PTPRT: variants seen among roughly 807,000 people sequenced by gnomAD.
PTPRT encodes the protein protein tyrosine phosphatase receptor type T.
Under a neutral mutation model 176.8 loss-of-function variants are expected in PTPRT, and 56 were observed. The ratio of observed to expected loss-of-function variants is 0.32; its 90% confidence interval spans 0.26 to 0.40. The LOEUF (loss-of-function observed/expected upper bound fraction) is 0.40, where lower values mean the gene tolerates loss of function less well. PTPRT is among the 10% of genes least tolerant of loss of function. PTPRT has a pLI of 1.00. For missense variants in PTPRT, 1,540 were observed against 1,908.2 expected (o/e 0.81, Z 3.60); for synonymous variants, 783 against 739.0 (o/e 1.06, Z -0.96).
chr20:42,195,623 A>G (rs1991184789), intron 16 of PTPRT, among the ~76,000 whole-genome samples: 1 of 152,238 alleles, frequency 6.6e-6, no homozygotes, highest in Admixed American at 6.5e-5. Flanking sequence ...TAACGTATTC[A>G]GTGATTCAGA....
intron 9 of PTPRT, among the ~76,000 whole-genome samples, chr20:42,430,325 G>A (rs999594822): frequency 4.6e-5 from 7 of 152,226 alleles, no homozygotes; most frequent in Non-Finnish European, 8.8e-5. Flanking sequence ...TGCTTGGCCT[G>A]CAGACAACTC....
At chr20:42,203,261 C>G (rs1991523038) in intron 15 of PTPRT, among the ~76,000 whole-genome samples, 1 of 152,194 alleles carries the variant, frequency 6.6e-6, no homozygotes, top group South Asian at 2.1e-4. Flanking sequence ...AAAGACCTCT[C>G]AGTAACACAG....
chr20:42,972,488 C>T (rs1383924032), intron 1 of PTPRT, among the ~76,000 whole-genome samples: 3 of 151,016 alleles, frequency 2.0e-5, no homozygotes, highest in Admixed American at 2.0e-4. Context: ...ATGATGAAAC[C>T]CCGTCTCTAC....
chr20:42,703,454 G>T (rs2076003970), intron 6 of PTPRT, among the ~76,000 whole-genome samples: 1 of 152,172 alleles, frequency 6.6e-6, no homozygotes, highest in South Asian at 2.1e-4. Context: ...TTGTTACCAG[G>T]AGTGGGGTGA....
chr20:42,118,520 T>C lies in PTPRT; in HGVS notation c.2885-20A>G. The C allele has an allele frequency of 1.3e-6, 2 of 1,591,658 alleles. No homozygotes were observed. Among genetic ancestry groups the C allele is most frequent in the African/African-American group, 1.3e-5 (1 of 74,280 alleles). On this transcript the variant is annotated intron_variant, in intron 20 of 30. Coordinates refer to ENST00000373187, the MANE Select transcript of PTPRT (RefSeq NM_007050.6). ...TCGGACCTGCCAACAGAGAAGACAG[T>C]GAGGTTAGAGAATGCAAGTGCAAAG...
At chr20:43,126,591 C>T (rs1168620085) in intron 1 of PTPRT, among the ~76,000 whole-genome samples, 1 of 152,142 alleles carries the variant, frequency 6.6e-6, no homozygotes, top group Non-Finnish European at 1.5e-5. Flanking sequence ...TCAACTGTCC[C>T]TTTTCAACAA....
At chr20:42,334,042 G>C (rs1260101533) in intron 11 of PTPRT, among the ~76,000 whole-genome samples, 2 of 152,094 alleles carry the variant, frequency 1.3e-5, no homozygotes, top group Non-Finnish European at 2.9e-5. Flanking sequence ...ATAAACAAAA[G>C]TTCTTTGATG....
intron 6 of PTPRT, among the ~76,000 whole-genome samples, chr20:42,704,844 C>A (rs2076027489): frequency 6.6e-6 from 1 of 152,212 alleles, no homozygotes; most frequent in Admixed American, 6.5e-5. Flanking sequence ...TCTTCCTACA[C>A]TGAAATGAAT....
intron 1 of PTPRT, among the ~76,000 whole-genome samples, chr20:43,114,640 T>A (rs1784486723): frequency 6.6e-6 from 1 of 152,196 alleles, no homozygotes; most frequent in East Asian, 1.9e-4. Flanking sequence ...AAGCTCATAT[T>A]ATAGAGAACA....
At chr20:42,294,736 C>T (rs2057364450) in intron 12 of PTPRT, among the ~76,000 whole-genome samples, 1 of 151,774 alleles carries the variant, frequency 6.6e-6, no homozygotes, top group Non-Finnish European at 1.5e-5. Context: ...TATCCTCAAA[C>T]AACTTTGACT....
At chr20:42,410,714 C>T (rs2059007011) in intron 9 of PTPRT, among the ~76,000 whole-genome samples, 1 of 151,242 alleles carries the variant, frequency 6.6e-6, no homozygotes, top group African/African-American at 2.4e-5. Flanking sequence ...ACTTCAATAA[C>T]AGGAAATGTG....
intron 6 of PTPRT, among the ~76,000 whole-genome samples, chr20:42,736,614 C>A (rs1283257200): frequency 6.6e-6 from 1 of 152,126 alleles, no homozygotes; most frequent in African/African-American, 2.4e-5. Flanking sequence ...AGGGTGGTGG[C>A]ATTGGGGAAT....
intron 1 of PTPRT, among the ~76,000 whole-genome samples, chr20:42,935,725 TCC>T (rs1980146755): frequency 6.6e-6 from 1 of 152,146 alleles, no homozygotes; most frequent in South Asian, 2.1e-4. Context: ...TCTAGTCCAG[TCC>T]AGTCCAGTCC....
chr20:42,588,208 C>T (rs1454889631), intron 7 of PTPRT, among the ~76,000 whole-genome samples: 1 of 152,098 alleles, frequency 6.6e-6, no homozygotes, highest in Non-Finnish European at 1.5e-5. Context: ...CTGTGGGAGG[C>T]TAAGGTGGGT....
intron 27 of PTPRT, among the ~76,000 whole-genome samples, chr20:42,094,073 G>A (rs886083602): frequency 1.3e-5 from 2 of 152,188 alleles, no homozygotes; most frequent in African/African-American, 4.8e-5. Context: ...CCCTGAAAGG[G>A]GGAGCTATAG....
intron 11 of PTPRT, among the ~76,000 whole-genome samples, chr20:42,346,338 T>C (rs1302173050): frequency 6.6e-6 from 1 of 152,182 alleles, no homozygotes; most frequent in Non-Finnish European, 1.5e-5. Flanking sequence ...AGTTACTTTC[T>C]TATGAAGGTT....
chr20:42,148,566 T>C (rs1487810103), intron 17 of PTPRT, among the ~76,000 whole-genome samples: 1 of 151,714 alleles, frequency 6.6e-6, no homozygotes, highest in African/African-American at 2.4e-5. Context: ...GATAGGGTGG[T>C]GTGGGGAGAA....
intron 1 of PTPRT, among the ~76,000 whole-genome samples, chr20:42,982,267 G>C (rs1414263532): frequency 6.6e-6 from 1 of 152,106 alleles, no homozygotes; most frequent in Admixed American, 6.5e-5. Flanking sequence ...GGGTGGTGGA[G>C]AGAGAGAGAG....
At chr20:42,999,608 T>G (rs908813200) in intron 1 of PTPRT, among the ~76,000 whole-genome samples, 4 of 138,614 alleles carry the variant, frequency 2.9e-5, no homozygotes, top group African/African-American at 7.6e-5. Context: ...AAACTTGTGG[T>G]TTTTTTTTTG....
Sources: gnomAD v4.1 joint callset for allele counts (sites outside exome capture counted in the v4.1 genomes callset) on GRCh38, gnomAD v4.1.1 for gene constraint, MANE v1.5 for transcripts, NCBI Gene and HGNC (gene_info 2026-07-23, HGNC 2026-07-21) for gene names.